The following KDM4C variants were observed in gnomAD, a reference collection of about 807,000 sequenced individuals.
KDM4C encodes the protein lysine demethylase 4C.
KDM4C carries 81 observed loss-of-function variants against 129.3 expected under a neutral mutation model. The observed-to-expected ratio is 0.63, with a 90% confidence interval of 0.52 to 0.75. The LOEUF is 0.75. KDM4C is among the 30% of genes least tolerant of loss of function. KDM4C has a pLI of 0.00. For missense variants in KDM4C, 1,457 were observed against 1,304.0 expected, an observed-to-expected ratio of 1.12 and a Z score of -1.81; for synonymous variants, 573 against 456.1, an observed-to-expected ratio of 1.26 and a Z score of -3.26.
In KDM4C at chr9:6,760,729, C is replaced by T. The variant is rs1819299756; in HGVS notation, c.-18+2526C>T. Among the ~76,000 whole-genome samples, 4 of 151,884 alleles carry T rather than the reference C, an allele frequency of 2.6e-5. No homozygotes were observed. In the South Asian group the frequency reaches 8.3e-4, roughly 32 times the overall value. ...GGGACTACAGGCACCCACCACCATG[C>T]CTGGCTAATTTTTTTTTTATTTTTA... On this transcript the variant is annotated intron_variant, in intron 1 of 21. Coordinates refer to ENST00000381309, the MANE Select transcript of KDM4C (RefSeq NM_015061.6).
chr9:6,762,663 T>C (rs1032095547), intron 1 of KDM4C, among the ~76,000 whole-genome samples: 4 of 142,454 alleles, frequency 2.8e-5, no homozygotes, highest in Non-Finnish European at 6.2e-5. Flanking sequence ...GGTCATTGTC[T>C]TTTTTTTTTT....
At chr9:7,087,083 G>T (rs990058703) in intron 17 of KDM4C, among the ~76,000 whole-genome samples, 1 of 111,608 alleles carries the variant, frequency 9.0e-6, no homozygotes, top group Admixed American at 1.1e-4. Flanking sequence ...TGCAACTTAC[G>T]TGGCTCTTTT....
chr9:6,756,236 A>G (rs374031154), upstream of KDM4C, among the ~76,000 whole-genome samples: 52 of 152,360 alleles, frequency 3.4e-4, no homozygotes, highest in South Asian at 1.0e-3. Flanking sequence ...TTGAATTATT[A>G]TAAGTATTTA....
intron 17 of KDM4C, among the ~76,000 whole-genome samples, chr9:7,055,956 A>G (rs936810148): frequency 1.3e-5 from 2 of 152,230 alleles, no homozygotes; most frequent in Non-Finnish European, 1.5e-5. Flanking sequence ...ATCTTTCATC[A>G]TGCTAAAAGA....
chr9:6,783,369 C>A (rs1588234257), intron 1 of KDM4C, among the ~76,000 whole-genome samples: 1 of 152,008 alleles, frequency 6.6e-6, no homozygotes, highest in Non-Finnish European at 1.5e-5. Flanking sequence ...TCGTTTTTAT[C>A]CTTGTTAAGT....
chr9:7,146,011 G>A (rs1587860722), intron 19 of KDM4C, among the ~76,000 whole-genome samples: 1 of 152,236 alleles, frequency 6.6e-6, no homozygotes, highest in Admixed American at 6.5e-5. Flanking sequence ...ACGGCTCTTT[G>A]TTCCTTTGAT....
At chr9:6,726,112 G>A (rs1409314547) in intron 1 of KDM4C, among the ~76,000 whole-genome samples, 2 of 151,872 alleles carry the variant, frequency 1.3e-5, no homozygotes, top group East Asian at 1.9e-4. Context: ...TATATTTAAT[G>A]GAGATGGGGT....
At position 7,171,206 on chromosome 9, in the gene KDM4C, C is replaced by T. The variant is rs939923463; in HGVS notation, c.2994+1316C>T. ...TCAAGAGGAGTGGTGGTATTGCTGC[C>T]CACTCGATGGGAAATGTGGCTCAGA... On this transcript the variant is annotated intron_variant, in intron 21 of 21. Coordinates refer to ENST00000381309, the MANE Select transcript of KDM4C (RefSeq NM_015061.6). Among the ~76,000 whole-genome samples, 35 of 151,966 alleles carry T rather than the reference C, an allele frequency of 2.3e-4. 1 individual carries two copies. The highest frequency in any genetic ancestry group is 8.5e-4 in the African/African-American group (35 of 41,322).
At chr9:6,876,325 C>T (rs973041318) in intron 5 of KDM4C, among the ~76,000 whole-genome samples, 4 of 152,038 alleles carry the variant, frequency 2.6e-5, no homozygotes, top group African/African-American at 7.3e-5. Context: ...TGCTGCATTC[C>T]GTGTTGTTCT....
In KDM4C at chr9:7,103,682, C is replaced by G. The variant is rs1837355601; in HGVS notation, c.2425-3C>G. 1 of 1,611,614 alleles carries G rather than the reference C, an allele frequency of 6.2e-7. No homozygotes were observed. Among genetic ancestry groups the G allele is most frequent in the Non-Finnish European group, 8.5e-7 (1 of 1,178,514 alleles). On this transcript the variant is annotated splice_region_variant and splice_polypyrimidine_tract_variant and intron_variant, in intron 17 of 21. Transcript: ENST00000381309. Reference sequence around the variant, plus strand: ...GATGTTCTTCTCTGTTTTAACCTTCCAGAAATGCATCTTCTGCAGACACCG... The same window carrying G: ...GATGTTCTTCTCTGTTTTAACCTTCGAGAAATGCATCTTCTGCAGACACCG...
At chr9:6,886,944 G>C (rs1253456165) in intron 6 of KDM4C, among the ~76,000 whole-genome samples, 3 of 152,164 alleles carry the variant, frequency 2.0e-5, no homozygotes, top group Non-Finnish European at 4.4e-5. Flanking sequence ...TGAGTTATCT[G>C]CATAGAGAGA....
chr9:6,919,451 C>T (rs1265530760), intron 8 of KDM4C, among the ~76,000 whole-genome samples: 1 of 149,664 alleles, frequency 6.7e-6, no homozygotes, highest in Non-Finnish European at 1.5e-5. Context: ...TTCCATCTTA[C>T]CTGCTATCCC....
At chr9:7,009,494 T>C (rs972046175) in intron 12 of KDM4C, among the ~76,000 whole-genome samples, 16 of 152,226 alleles carry the variant, frequency 1.1e-4, no homozygotes, top group African/African-American at 3.9e-4. Flanking sequence ...TGATGCTTTT[T>C]TCCCCCCATC....
chr9:6,957,846 C>G (rs935396481), intron 8 of KDM4C, among the ~76,000 whole-genome samples: 14 of 152,168 alleles, frequency 9.2e-5, no homozygotes, highest in African/African-American at 3.4e-4. Flanking sequence ...CTGCCTAACC[C>G]TCCTGAACCT....
At chr9:6,905,133 C>G (rs1818088028) in intron 8 of KDM4C, among the ~76,000 whole-genome samples, 1 of 152,146 alleles carries the variant, frequency 6.6e-6, no homozygotes, top group Admixed American at 6.5e-5. Context: ...TATATATCAT[C>G]TATATTAAAA....
chr9:7,025,119 T>G (rs935240099), intron 15 of KDM4C, among the ~76,000 whole-genome samples: 2 of 152,256 alleles, frequency 1.3e-5, no homozygotes, highest in Admixed American at 6.5e-5. Context: ...AGTGACCTTA[T>G]TTTTCTCTTC....
intron 4 of KDM4C, among the ~76,000 whole-genome samples, chr9:6,831,333 A>G (rs749587550): frequency 1.3e-5 from 2 of 151,884 alleles, no homozygotes; most frequent in East Asian, 1.9e-4. Context: ...ACTCCTCCCA[A>G]TTCTTCTGCT....
At chr9:6,819,517 G>A (rs1181586938) in intron 4 of KDM4C, among the ~76,000 whole-genome samples, 2 of 152,200 alleles carry the variant, frequency 1.3e-5, no homozygotes, top group African/African-American at 2.4e-5. Flanking sequence ...TGCAGGCTGT[G>A]TGGAAGCATT....
At chr9:7,116,055 C>A (rs1456001773) in intron 18 of KDM4C, among the ~76,000 whole-genome samples, 1 of 152,142 alleles carries the variant, frequency 6.6e-6, no homozygotes, top group African/African-American at 2.4e-5. Context: ...GTAAGAAATT[C>A]CTGTTTCTTC....
Sources: allele counts gnomAD v4.1 joint callset (sites outside exome capture counted in the v4.1 genomes callset), GRCh38; gene constraint gnomAD v4.1.1; transcripts MANE v1.5; gene names NCBI Gene and HGNC (gene_info 2026-07-23, HGNC 2026-07-21).